CADM1: variants seen among roughly 807,000 people sequenced by gnomAD.
The protein encoded by CADM1 is TSLC-1.
A neutral mutation model predicts 53.1 loss-of-function variants in CADM1; 15 were observed. The ratio of observed to expected loss-of-function variants is 0.28; its 90% CI spans 0.19 to 0.44. CADM1 has a LOEUF of 0.44. CADM1 is among the 20% of genes least tolerant of loss of function. CADM1 has a pLI of 1.00. For synonymous variants in CADM1, 281 were observed against 243.0 expected (o/e 1.16, Z -1.45); for missense variants, 434 against 611.3 (o/e 0.71, Z 3.06).
intron 1 of CADM1, among the ~76,000 whole-genome samples, chr11:115,329,384 T>G (rs1444204980): frequency 1.3e-5 from 2 of 152,060 alleles, no homozygotes; most frequent in Non-Finnish European, 1.5e-5. Context: ...TTTGTTGCAG[T>G]CTGGGCATTT....
intron 1 of CADM1, among the ~76,000 whole-genome samples, chr11:115,279,905 A>C (rs1310187212): frequency 6.6e-6 from 1 of 152,168 alleles, no homozygotes; most frequent in African/African-American, 2.4e-5. Flanking sequence ...CCTGTCCCCA[A>C]ATGAAATTAC....
intron 1 of CADM1, among the ~76,000 whole-genome samples, chr11:115,371,313 CAT>C (rs1339433270): frequency 1.3e-5 from 2 of 151,946 alleles, no homozygotes; most frequent in South Asian, 2.1e-4. Context: ...AAAATAGAAA[CAT>C]ACAGTCATGA....
intron 1 of CADM1, among the ~76,000 whole-genome samples, chr11:115,400,661 G>GTGTATATA (rs1295332849): frequency 4.7e-4 from 22 of 46,510 alleles, no homozygotes; most frequent in African/African-American, 8.0e-4. Flanking sequence ...GTGTGTGTGT[G>GTGTATATA]TATATATATA....
chr11:115,477,604 G>C (rs1024331839), intron 1 of CADM1, among the ~76,000 whole-genome samples: 1 of 152,152 alleles, frequency 6.6e-6, no homozygotes, highest in African/African-American at 2.4e-5. Flanking sequence ...TCACAGCAAG[G>C]GTCTGGAATA....
At chr11:115,367,729 A>C (rs1292691167) in intron 1 of CADM1, among the ~76,000 whole-genome samples, 1 of 152,086 alleles carries the variant, frequency 6.6e-6, no homozygotes, top group Non-Finnish European at 1.5e-5. Context: ...GTAGTTTAAT[A>C]AATTTTAATC....
intron 1 of CADM1, among the ~76,000 whole-genome samples, chr11:115,414,659 G>A (rs1947548967): frequency 6.6e-6 from 1 of 152,154 alleles, no homozygotes; most frequent in Admixed American, 6.5e-5. Flanking sequence ...CACTAGAACG[G>A]AAAAGTCACA....
chr11:115,355,707 AACAC>A (rs71066418), intron 1 of CADM1, among the ~76,000 whole-genome samples: 23,524 of 150,732 alleles, frequency 0.16, 1,958 homozygotes, highest in African/African-American at 0.2. Context: ...TTAAATTACT[AACAC>A]ACACACACAC....
chr11:115,480,270 A>G (rs1296024740), intron 1 of CADM1, among the ~76,000 whole-genome samples: 1 of 152,204 alleles, frequency 6.6e-6, no homozygotes, highest in African/African-American at 2.4e-5. Context: ...AATGGTGTAG[A>G]ATTCCCAGTG....
At chr11:115,408,199 CA>C (rs2135238335) in intron 1 of CADM1, among the ~76,000 whole-genome samples, 1 of 152,204 alleles carries the variant, frequency 6.6e-6, no homozygotes, top group East Asian at 1.9e-4. Context: ...CTTATTTTTA[CA>C]TGTGAACACT....
At chr11:115,213,122 T>C (rs1274832078) in intron 7 of CADM1, among the ~76,000 whole-genome samples, 3 of 152,198 alleles carry the variant, frequency 2.0e-5, no homozygotes, top group African/African-American at 7.2e-5. Flanking sequence ...AGAGCTGGAC[T>C]GAAAGCCAGT....
At chr11:115,256,840 T>A in intron 1 of CADM1, 1 of 456,118 alleles carries the variant, frequency 2.2e-6, no homozygotes. Flanking sequence ...ACCACTGGTA[T>A]GTCCAGATGC....
At chr11:115,394,350 ACAT>A (rs1946933222) in intron 1 of CADM1, among the ~76,000 whole-genome samples, 1 of 152,214 alleles carries the variant, frequency 6.6e-6, no homozygotes, top group Admixed American at 6.5e-5. Flanking sequence ...TTAAGGCTAA[ACAT>A]CAGAAGCAAG....
chr11:115,211,524 G>GGCTGGAGT (rs1328212424), intron 7 of CADM1, among the ~76,000 whole-genome samples: 8 of 127,580 alleles, frequency 6.3e-5, no homozygotes, highest in Non-Finnish European at 1.1e-4. Context: ...TTGTCGCCCA[G>GGCTGGAGT]GCTGGAGTGC....
chr11:115,467,946 A>G (rs1004857372), intron 1 of CADM1, among the ~76,000 whole-genome samples: 9 of 152,236 alleles, frequency 5.9e-5, no homozygotes, highest in Non-Finnish European at 1.2e-4. Flanking sequence ...ATTAATTATT[A>G]AGAAAAGCAT....
intron 1 of CADM1, among the ~76,000 whole-genome samples, chr11:115,484,901 T>C (rs547059250): frequency 6.7e-6 from 1 of 150,154 alleles, no homozygotes; most frequent in South Asian, 2.1e-4. Context: ...AAGCCGAGAT[T>C]ATGCCACTGC....
chr11:115,310,555 T>G (rs1227275138), intron 1 of CADM1, among the ~76,000 whole-genome samples: 10 of 152,126 alleles, frequency 6.6e-5, no homozygotes, highest in African/African-American at 2.4e-4. Flanking sequence ...TCTACAGGAT[T>G]GTAAAATTAA....
At chr11:115,464,017 A>G (rs536805742) in intron 1 of CADM1, among the ~76,000 whole-genome samples, 18 of 152,312 alleles carry the variant, frequency 1.2e-4, no homozygotes, top group Admixed American at 8.5e-4. Context: ...CCTGAGATGA[A>G]ACATCTTCAA....
intron 1 of CADM1, among the ~76,000 whole-genome samples, chr11:115,461,774 G>A (rs1948800115): frequency 6.6e-6 from 1 of 152,162 alleles, no homozygotes; most frequent in Non-Finnish European, 1.5e-5. Context: ...GTGAGATAGT[G>A]AATAGTTGGA....
In CADM1 at chr11:115,504,388, T is replaced by C. The variant is rs918113441; in HGVS notation, c.7A>G (p.Ser3Gly). MA[S>G]VVLPSGSQCA... ...TGGGATCCGCTCGGCAGCACTACAC[T>C]CGCCATGTCGGGCACCTGCCTCAGA... Residue 3 changes from serine (S) to glycine (G), a missense_variant, in exon 1 of 12, where the codon AGT (serine) becomes GGT (glycine). Ser to Gly is a moderately conservative substitution (Grantham distance 56). This residue lies in a region of CADM1 where 76 missense variants were observed against 59.8 expected (regional missense o/e 1.27). Transcript: ENST00000331581. 1.9e-6 allele frequency: 3 copies of C among 1,545,914 alleles called. No homozygotes were observed. Among genetic ancestry groups the C allele is most frequent in the African/African-American group, 1.4e-5 (1 of 72,906 alleles).
Sources: allele counts gnomAD v4.1 joint callset (sites outside exome capture counted in the v4.1 genomes callset), GRCh38; gene constraint gnomAD v4.1.1; regional missense constraint gnomAD v4.1.1; transcripts MANE v1.5; gene names NCBI Gene and HGNC (gene_info 2026-07-23, HGNC 2026-07-21).